Variants in C8orf74 observed in about 807,000 individuals in gnomAD.
C8orf74 encodes the protein chromosome 8 open reading frame 74.
In C8orf74, 29 loss-of-function variants were observed where a neutral mutation model predicts 22.2. The observed-to-expected ratio is 1.31, with a 90% CI of 0.97 to 1.78. The LOEUF is 1.78. Ranked by LOEUF, C8orf74 falls within the 40% of genes most tolerant of loss-of-function variation. The probability of loss-of-function intolerance (pLI) is 0.00; values close to 1 mark genes in which losing one functional copy is unlikely to be tolerated. For missense variants in C8orf74, 515 were observed against 369.9 expected (o/e 1.39, Z -3.22); for synonymous variants, 255 against 163.1 (o/e 1.56, Z -4.30).
In C8orf74 at chr8:10,700,224, T is replaced by A; in HGVS notation, c.649-11T>A. 1 of 1,575,888 alleles carries A rather than the reference T, an allele frequency of 6.3e-7. No individual in the cohort carries two copies. Among genetic ancestry groups the A allele is most frequent in the Non-Finnish European group, 8.7e-7 (1 of 1,152,974 alleles). On this transcript the variant is annotated splice_polypyrimidine_tract_variant and intron_variant, in intron 3 of 3. Transcript: ENST00000304519. ...CCAGCCCTGCTCATCGGCCTTCCCCTTTCCTTCCAGGAGTTGGAGAGCCTC... is the reference window on the plus strand; with the variant it reads ...CCAGCCCTGCTCATCGGCCTTCCCCATTCCTTCCAGGAGTTGGAGAGCCTC...
intron 2 of C8orf74, among the ~76,000 whole-genome samples, chr8:10,677,143 A>G (rs553957026): frequency 6.6e-6 from 1 of 152,166 alleles, no homozygotes; most frequent in South Asian, 2.1e-4. Context: ...CAGCTTCCAC[A>G]GACACCCCCT....
chr8:10,697,455 A>C, intron 2 of C8orf74, 144 bp from the exon 3 acceptor site: 1 of 668,762 alleles, frequency 1.5e-6, no homozygotes, highest in Non-Finnish European at 2.4e-6. Context: ...TCTCAAAAAA[A>C]ATAAATAGAA....
chr8:10,686,999 C>A, intron 2 of C8orf74: 1 of 422,418 alleles, frequency 2.4e-6, no homozygotes, highest in South Asian at 1.6e-5. Flanking sequence ...ACCAGGCAAC[C>A]GCCAAGAAGG....
intron 2 of C8orf74, among the ~76,000 whole-genome samples, chr8:10,693,821 C>A (rs1422919101): frequency 6.6e-6 from 1 of 152,264 alleles, no homozygotes; most frequent in Non-Finnish European, 1.5e-5. Flanking sequence ...AGATCTGCTC[C>A]TTCTGTGCAC....
rs972054066 is a variant in C8orf74, at chr8:10,694,287, A to T, written c.242-3312A>T. ...ATAGACAGTAACAATTTATAGGTTC[A>T]GTCACCGTTTGACAAACTAATCTTG... On this transcript the variant is annotated intron_variant, in intron 2 of 3. Coordinates refer to ENST00000304519, the MANE Select transcript of C8orf74 (RefSeq NM_001040032.2). Among the ~76,000 whole-genome samples the T allele has an allele frequency of 6.6e-5, 10 of 152,218 alleles. 1 individual carries two copies. Among genetic ancestry groups the T allele is most frequent in the African/African-American group, 2.4e-4 (10 of 41,464 alleles).
intron 1 of C8orf74, chr8:10,673,791 C>T (rs534730928): frequency 6.5e-6 from 1 of 153,098 alleles, no homozygotes; most frequent in Non-Finnish European, 1.5e-5. Context: ...GGCTCTGGAG[C>T]ACCACTGTGG....
chr8:10,690,763 C>T (rs1160923498), intron 2 of C8orf74: 1 of 431,674 alleles, frequency 2.3e-6, no homozygotes, highest in Non-Finnish European at 4.7e-6. Flanking sequence ...CGAGCCGTTT[C>T]TGCCCTGATC....
chr8:10,697,101 C>A (rs1242032894), intron 2 of C8orf74, among the ~76,000 whole-genome samples: 1 of 151,800 alleles, frequency 6.6e-6, no homozygotes, highest in African/African-American at 2.4e-5. Flanking sequence ...AAAAAAGAAA[C>A]GTGGTACACT....
At chr8:10,682,524 G>A (rs937057566) in intron 2 of C8orf74, among the ~76,000 whole-genome samples, 52 of 152,286 alleles carry the variant, frequency 3.4e-4, no homozygotes, top group African/African-American at 1.3e-3. Context: ...GTCTCCCTCT[G>A]TGCACCTGTT....
chr8:10,682,175 G>A (rs1799165449), intron 2 of C8orf74, among the ~76,000 whole-genome samples: 1 of 152,158 alleles, frequency 6.6e-6, no homozygotes, highest in Admixed American at 6.5e-5. Context: ...TTCCCAACCA[G>A]AACCTGACAC....
intron 2 of C8orf74, among the ~76,000 whole-genome samples, chr8:10,678,649 T>C (rs920653765): frequency 2.0e-5 from 3 of 148,640 alleles, no homozygotes; most frequent in Non-Finnish European, 4.5e-5. Context: ...AGGAGCAAGA[T>C]GGGAGACAAA....
At chr8:10,672,821 C>T (rs1012283034) in intron 1 of C8orf74, 108 bp downstream of exon 1, 8 of 912,656 alleles carry the variant, frequency 8.8e-6, no homozygotes, top group South Asian at 1.4e-5. Context: ...GCAGCCACCC[C>T]GGCTCAGCAC....
chr8:10,686,992 A>G (rs952186879), intron 2 of C8orf74: 13 of 420,164 alleles, frequency 3.1e-5, no homozygotes, highest in Non-Finnish European at 5.8e-5. Flanking sequence ...TAGAATCACC[A>G]GGCAACCGCC....
intron 2 of C8orf74, among the ~76,000 whole-genome samples, chr8:10,684,041 G>A (rs1340432480): frequency 6.6e-6 from 1 of 152,126 alleles, no homozygotes; most frequent in East Asian, 1.9e-4. Flanking sequence ...AGCAGGACAG[G>A]AGCCCCGTGC....
chr8:10,700,064 T>G (rs1228855139), intron 3 of C8orf74, among the ~76,000 whole-genome samples, 171 bp from the exon 4 acceptor site: 2 of 150,678 alleles, frequency 1.3e-5, no homozygotes, highest in African/African-American at 4.9e-5. Context: ...CTCCCGCCCC[T>G]AGTTGGCTGA....
intron 2 of C8orf74, among the ~76,000 whole-genome samples, chr8:10,686,221 T>C (rs1386892656): frequency 6.6e-6 from 1 of 152,240 alleles, no homozygotes; most frequent in Non-Finnish European, 1.5e-5. Context: ...AAAAAATGGC[T>C]GTGTTGTACT....
chr8:10,691,451 C>T (rs2129058206), intron 2 of C8orf74: 1 of 159,784 alleles, frequency 6.3e-6, no homozygotes, highest in Non-Finnish European at 1.4e-5. Flanking sequence ...CTGCAGGATG[C>T]AGGTGACCCC....
In C8orf74 at chr8:10,698,002, AC is replaced by A. The variant is rs762049229; in HGVS notation, c.646del (p.Gln216ArgfsTer35). On this transcript the variant is annotated frameshift_variant and splice_region_variant, in exon 3 of 4. Coordinates refer to ENST00000304519, the MANE Select transcript of C8orf74 (RefSeq NM_001040032.2). LOFTEE classifies it low-confidence loss of function (END_TRUNC). ...CGCAGCCCGGCCAGGTCCTGGAGAG[AC>A]AGGTGAGGCTCTGCCCCCCTGCCGT... ...PAQPGQVLER[Q>X]ELESLICQAV... The A allele has an allele frequency of 4.0e-4, 595 of 1,478,198 alleles. No individual in the cohort carries two copies. Among genetic ancestry groups the A allele is most frequent in the Non-Finnish European group, 5.1e-4 (569 of 1,117,360 alleles). The allele number at this position is 1,478,198 out of a possible 1,614,324, so 91.6% of individuals were successfully genotyped here.
chr8:10,700,069 G>C (rs1799620131), intron 3 of C8orf74, among the ~76,000 whole-genome samples, 166 bp from the exon 4 acceptor site: 3 of 152,148 alleles, frequency 2.0e-5, no homozygotes, highest in Non-Finnish European at 4.4e-5. Context: ...GCCCCTAGTT[G>C]GCTGAAGTCA....
Sources: allele counts gnomAD v4.1 joint callset (sites outside exome capture counted in the v4.1 genomes callset), GRCh38; gene constraint gnomAD v4.1.1; transcripts MANE v1.5; gene names NCBI Gene and HGNC (gene_info 2026-07-23, HGNC 2026-07-21).